RYR3: variants seen among roughly 807,000 people sequenced by gnomAD.
RYR3 encodes the protein brain ryanodine receptor-calcium release channel.
Under a neutral mutation model 584.3 loss-of-function variants are expected in RYR3, and 207 were observed. The ratio of observed to expected loss-of-function variants is 0.35; its 90% confidence interval spans 0.32 to 0.40. The LOEUF (loss-of-function observed/expected upper bound fraction) is 0.40, where lower values mean the gene tolerates loss of function less well. Ranked by LOEUF, RYR3 falls within the 10% of genes least tolerant of loss-of-function variation. The pLI, the probability that RYR3 is intolerant of heterozygous loss-of-function variation, is 1.00. For synonymous variants in RYR3, 2,416 were observed against 2,248.5 expected (o/e 1.07, Z -2.11); for missense variants, 5,616 against 6,089.2 (o/e 0.92, Z 2.59).
chr15:33,446,160 T>A (rs1345530199), intron 1 of RYR3, among the ~76,000 whole-genome samples: 1 of 152,172 alleles, frequency 6.6e-6, no homozygotes, highest in Non-Finnish European at 1.5e-5. Flanking sequence ...TTCGTTTAAT[T>A]ACCACTGACC....
intron 1 of RYR3, among the ~76,000 whole-genome samples, chr15:33,356,790 C>G (rs1419014108): frequency 6.6e-6 from 1 of 152,146 alleles, no homozygotes; most frequent in African/African-American, 2.4e-5. Context: ...GGTTTGCTCT[C>G]TGAGAACTAA....
chr15:33,314,617 T>C (rs1418579284), intron 1 of RYR3, among the ~76,000 whole-genome samples: 2 of 152,182 alleles, frequency 1.3e-5, no homozygotes, highest in Non-Finnish European at 2.9e-5. Flanking sequence ...ACAATGTTAA[T>C]TGAAACAGAA....
intron 16 of RYR3, among the ~76,000 whole-genome samples, chr15:33,599,341 G>C (rs1011072248): frequency 2.0e-5 from 3 of 152,148 alleles, no homozygotes; most frequent in African/African-American, 4.8e-5. Flanking sequence ...TTGAGGACAC[G>C]CTCGTGACAC....
chr15:33,852,773 A>G, intron 94 of RYR3: 1 of 366,068 alleles, frequency 2.7e-6, no homozygotes, highest in South Asian at 3.3e-5. Context: ...CTAATCTGTC[A>G]TCACAATTCT....
intron 10 of RYR3, among the ~76,000 whole-genome samples, chr15:33,557,416 C>T (rs538122110): frequency 1.2e-4 from 18 of 152,130 alleles, no homozygotes; most frequent in Non-Finnish European, 1.3e-4. Flanking sequence ...GACGGAGTCT[C>T]GCTCAATTGC....
chr15:33,374,705 A>T (rs755538115), intron 1 of RYR3, among the ~76,000 whole-genome samples: 3 of 152,238 alleles, frequency 2.0e-5, no homozygotes, highest in Admixed American at 6.5e-5. Context: ...TGGTAATGTT[A>T]TAATTGAGAG....
intron 3 of RYR3, among the ~76,000 whole-genome samples, chr15:33,517,545 C>T (rs551773179): frequency 3.9e-5 from 6 of 152,148 alleles, no homozygotes; most frequent in South Asian, 2.1e-4. Context: ...ATACAGTCGT[C>T]GTTTTCTCTT....
intron 2 of RYR3, among the ~76,000 whole-genome samples, chr15:33,490,917 C>A (rs1360028494): frequency 2.0e-5 from 3 of 152,084 alleles, no homozygotes; most frequent in Non-Finnish European, 4.4e-5. Context: ...ATAAGCCTGG[C>A]CAGTATCCAT....
At chr15:33,420,344 G>C (rs2044150178) in intron 1 of RYR3, among the ~76,000 whole-genome samples, 1 of 152,154 alleles carries the variant, frequency 6.6e-6, no homozygotes, top group African/African-American at 2.4e-5. Context: ...GGTGACGATG[G>C]GGTCTCAAGC....
At chr15:33,328,163 T>C (rs1160372580) in intron 1 of RYR3, among the ~76,000 whole-genome samples, 1 of 152,174 alleles carries the variant, frequency 6.6e-6, no homozygotes, top group African/African-American at 2.4e-5. Context: ...TAAAATGAAA[T>C]GGAGAAAATG....
In RYR3 at chr15:33,659,759, C is replaced by G. The variant is rs779984720; in HGVS notation, c.4348C>G (p.Gln1450Glu). ...NTKVFPAVFL[Q>E]PTSTSLFQFE... The stretch of plus-strand genomic sequence containing the variant: ...CAAAGTGTTTCCAGCAGTCTTCCTG[C>G]AGCCTACAAGTACTTCTTTGTTTCA... Residue 1450 changes from glutamine (Q) to glutamate (E), a missense_variant, in exon 33 of 104, where the codon CAG (glutamine) becomes GAG (glutamate). By Grantham distance (29) the Gln-to-Glu change is conservative (BLOSUM62 2). This residue lies in a region of RYR3 where 753 missense variants were observed against 741.0 expected (regional missense o/e 1.02). Coordinates refer to ENST00000634891, the MANE Select transcript of RYR3 (RefSeq NM_001036.6). 3.7e-6 allele frequency: 6 copies of G among 1,613,318 alleles called. No individual in the cohort carries two copies. The Admixed American group carries it at 1.0e-4, about 27-fold the overall frequency.
chr15:33,859,443 G>A (rs938389370), intron 99 of RYR3, 132 bp from the exon 100 acceptor site: 15 of 847,762 alleles, frequency 1.8e-5, no homozygotes, highest in Non-Finnish European at 2.8e-5. Context: ...ATGAATACTG[G>A]CACCTCTGAA....
chr15:33,766,767 C>T (rs1053652934), intron 60 of RYR3, among the ~76,000 whole-genome samples: 2 of 152,232 alleles, frequency 1.3e-5, no homozygotes, highest in African/African-American at 2.4e-5. Flanking sequence ...TTCGCCCTTG[C>T]GCCACCTTTT....
At chr15:33,843,682 C>T in intron 92 of RYR3, 108 bp downstream of exon 92, 3 of 769,674 alleles carry the variant, frequency 3.9e-6, no homozygotes, top group Non-Finnish European at 6.3e-6. Flanking sequence ...AGCAAACATT[C>T]TAATAGGTAG....
At chr15:33,423,150 A>G (rs1656709955) in intron 1 of RYR3, among the ~76,000 whole-genome samples, 1 of 152,158 alleles carries the variant, frequency 6.6e-6, no homozygotes, top group Non-Finnish European at 1.5e-5. Flanking sequence ...CCATTAAGCA[A>G]TAACTCTCCA....
At chr15:33,369,666 A>G (rs552381728) in intron 1 of RYR3, among the ~76,000 whole-genome samples, 3 of 152,046 alleles carry the variant, frequency 2.0e-5, no homozygotes, top group African/African-American at 7.2e-5. Flanking sequence ...TATTGCTCAG[A>G]TCCTTCTCTG....
At chr15:33,713,931 C>T (rs1322926005) in intron 43 of RYR3, among the ~76,000 whole-genome samples, 10 of 152,118 alleles carry the variant, frequency 6.6e-5, no homozygotes, top group African/African-American at 2.2e-4. Context: ...TGCCTAATAT[C>T]GTCACCTGGA....
Position 33,813,894 on chromosome 15 carries a change from T to G in RYR3, c.10502+315T>G, listed in dbSNP as rs538989924. 9 of 221,684 alleles carry G rather than the reference T, an allele frequency of 4.1e-5. No individual in the cohort carries two copies. In the South Asian group the frequency reaches 1.2e-3, roughly 30 times the overall value. 13.7% of individuals were successfully genotyped at this position (221,684 alleles called of 1,614,324 possible). ...TTCTTGGTTAGCATGTAAAGACTTC[T>G]GGAAAAAGAGAAACTGTTTTCTGAA... On this transcript the variant is annotated intron_variant, in intron 74 of 103. Coordinates refer to ENST00000634891, the MANE Select transcript of RYR3 (RefSeq NM_001036.6).
intron 57 of RYR3, among the ~76,000 whole-genome samples, chr15:33,753,848 T>G (rs2071557327): frequency 1.3e-5 from 2 of 152,130 alleles, no homozygotes; most frequent in Non-Finnish European, 2.9e-5. Flanking sequence ...TGCTGATAAA[T>G]AACTTGCTCA....
Sources: allele counts gnomAD v4.1 joint callset (sites outside exome capture counted in the v4.1 genomes callset), GRCh38; gene constraint gnomAD v4.1.1; regional missense constraint gnomAD v4.1.1; transcripts MANE v1.5; gene names NCBI Gene and HGNC (gene_info 2026-07-23, HGNC 2026-07-21).